SOX6: variants seen among roughly 807,000 people sequenced by gnomAD.
SOX6 encodes transcription factor SOX-6.
In SOX6, 11 loss-of-function variants were observed where a neutral mutation model predicts 97.8. The observed-to-expected ratio is 0.11, with a 90% CI of 0.07 to 0.19. The LOEUF (loss-of-function observed/expected upper bound fraction) is 0.19. SOX6 is among the 10% of genes least tolerant of loss of function. The pLI, the probability that SOX6 is intolerant of heterozygous loss-of-function variation, is 1.00. For synonymous variants in SOX6, 360 were observed against 371.4 expected, an observed-to-expected ratio of 0.97 and a Z score of 0.35; for missense variants, 810 against 1,039.5, an observed-to-expected ratio of 0.78 and a Z score of 3.04.
intron 15 of SOX6, among the ~76,000 whole-genome samples, chr11:15,983,822 A>G (rs989607118): frequency 1.3e-5 from 2 of 152,128 alleles, no homozygotes; most frequent in African/African-American, 2.4e-5. Flanking sequence ...ACTGTTCTAC[A>G]CTATTGAGAA....
intron 4 of SOX6, among the ~76,000 whole-genome samples, chr11:16,526,296 T>C (rs909259954): frequency 6.6e-6 from 1 of 152,104 alleles, no homozygotes; most frequent in East Asian, 1.9e-4. Flanking sequence ...TGGAATACTA[T>C]GCAGCCATAA....
intron 1 of SOX6, among the ~76,000 whole-genome samples, chr11:16,375,280 A>T (rs1313089138): frequency 1.3e-5 from 2 of 152,134 alleles, no homozygotes; most frequent in African/African-American, 2.4e-5. Context: ...TCTTCTCATC[A>T]CACCTAATCT....
intron 3 of SOX6, among the ~76,000 whole-genome samples, chr11:16,310,064 T>G (rs1024682468): frequency 3.3e-5 from 5 of 152,128 alleles, no homozygotes; most frequent in Non-Finnish European, 7.4e-5. Flanking sequence ...AGAAAGAATC[T>G]TCAAATGAAT....
Position 16,613,272 on chromosome 11 carries a change from AC to A in SOX6, n.430-1013del, listed in dbSNP as rs1848422357. The A allele has an allele frequency of 6.6e-6, 1 of 151,280 alleles. No homozygotes were observed. The highest frequency in any genetic ancestry group is 1.5e-5 in the Non-Finnish European group (1 of 67,940). The allele number at this position is 151,280 out of a possible 1,614,324, so 9.4% of individuals were successfully genotyped here. A position where few individuals can be genotyped will look rare whatever the true frequency, so the allele number is the denominator to read the frequency against. On this transcript the variant is annotated intron_variant and non_coding_transcript_variant, in intron 3 of 5. Coordinates refer to the SOX6 transcript ENST00000524520. This position sits in a 1 kb window ranked among gnomAD's most constrained non-coding sequence, Gnocchi z 4.6. ...TTCACTGTCTGTGTCTCTCTTCCCC[AC>A]CCCCAACTACCCCTGCCACTCAGAT... is the stretch of plus-strand genomic sequence containing the variant.
At chr11:16,556,401 A>AT (rs1212192803) in intron 4 of SOX6, among the ~76,000 whole-genome samples, 1 of 151,598 alleles carries the variant, frequency 6.6e-6, no homozygotes, top group African/African-American at 2.4e-5. Context: ...AAAACATCAC[A>AT]TTTTCCACAC....
chr11:16,586,449 A>G (rs1848094358), intron 4 of SOX6, among the ~76,000 whole-genome samples: 1 of 152,208 alleles, frequency 6.6e-6, no homozygotes, highest in Non-Finnish European at 1.5e-5. Flanking sequence ...GTGACCTTCA[A>G]GGACTTACTT....
At chr11:16,579,252 CTACT>C (rs1848009351) in intron 4 of SOX6, among the ~76,000 whole-genome samples, 3 of 151,810 alleles carry the variant, frequency 2.0e-5, no homozygotes, top group Admixed American at 2.0e-4. Flanking sequence ...TTTAAATGCT[CTACT>C]TATTTTATTA....
At chr11:16,500,752 G>A (rs971914752) in intron 4 of SOX6, among the ~76,000 whole-genome samples, 4 of 152,100 alleles carry the variant, frequency 2.6e-5, no homozygotes, top group African/African-American at 9.7e-5. Flanking sequence ...CAACTCACGA[G>A]GGATGTGAAG....
intron 4 of SOX6, among the ~76,000 whole-genome samples, chr11:16,528,618 T>C (rs1207290382): frequency 1.3e-5 from 2 of 151,916 alleles, no homozygotes; most frequent in Non-Finnish European, 2.9e-5. Context: ...CTAAGTGAAA[T>C]AGGGAAATGT....
chr11:16,547,941 T>C (rs1847640183), intron 4 of SOX6, among the ~76,000 whole-genome samples: 1 of 152,064 alleles, frequency 6.6e-6, no homozygotes, highest in Non-Finnish European at 1.5e-5. Context: ...TAAAAATAAT[T>C]ATGAAATAAA....
chr11:16,273,980 A>G (rs1036409581), intron 3 of SOX6, among the ~76,000 whole-genome samples: 5 of 152,268 alleles, frequency 3.3e-5, no homozygotes, highest in Non-Finnish European at 7.4e-5. Flanking sequence ...AAACCTAAAC[A>G]ATGCAAAAGT....
At chr11:16,176,287 A>T (rs1851184285) in intron 6 of SOX6, among the ~76,000 whole-genome samples, 1 of 151,948 alleles carries the variant, frequency 6.6e-6, no homozygotes, top group African/African-American at 2.4e-5. Flanking sequence ...TCCAAGACCA[A>T]TTAAATAAAA....
In SOX6 at chr11:15,969,680, A is replaced by G. The variant is rs1853248050; in HGVS notation, c.*3129T>C. The G allele has an allele frequency of 6.6e-6, 1 of 152,246 alleles. No individual in the cohort carries two copies. Among genetic ancestry groups the G allele is most frequent in the Non-Finnish European group, 1.5e-5 (1 of 68,048 alleles). 9.4% of individuals were successfully genotyped at this position (152,246 alleles called of 1,614,324 possible). A position where few individuals can be genotyped will look rare whatever the true frequency, so the allele number is the denominator to read the frequency against. On this transcript the variant is annotated 3_prime_UTR_variant, in exon 16 of 16. Coordinates refer to ENST00000683767, the MANE Select transcript of SOX6 (RefSeq NM_001367873.1). The stretch of plus-strand genomic sequence containing the variant: ...TATCTCACTAAGTATTCATGAACCA[A>G]AAATAAATTCTATTTCTATGTTATA...
At chr11:16,031,809 A>G (rs1855383415) in intron 12 of SOX6, among the ~76,000 whole-genome samples, 1 of 151,974 alleles carries the variant, frequency 6.6e-6, no homozygotes, top group Non-Finnish European at 1.5e-5. Flanking sequence ...GAGGTTAGGG[A>G]GGGAGAAAGG....
intron 3 of SOX6, chr11:16,317,965 C>T (rs755185054): frequency 3.3e-5 from 15 of 453,082 alleles, no homozygotes; most frequent in African/African-American, 3.0e-4. Flanking sequence ...CATATACTTT[C>T]AGTTTTAACA....
chr11:16,608,005 A>T (rs1051027305), intron 4 of SOX6, among the ~76,000 whole-genome samples: 1 of 152,104 alleles, frequency 6.6e-6, no homozygotes, highest in Non-Finnish European at 1.5e-5. Flanking sequence ...GCGCCTGGAA[A>T]GAGACGGTGA....
chr11:16,352,045 A>C (rs1263446692), intron 1 of SOX6, among the ~76,000 whole-genome samples: 2 of 152,042 alleles, frequency 1.3e-5, no homozygotes, highest in African/African-American at 4.8e-5. Context: ...GTTATCTTCA[A>C]CCAGAAAAAA....
intron 4 of SOX6, among the ~76,000 whole-genome samples, chr11:16,537,668 G>C (rs1481456820): frequency 6.6e-6 from 1 of 152,130 alleles, no homozygotes; most frequent in Non-Finnish European, 1.5e-5. Context: ...CATGAGAATT[G>C]TGTGATGGAT....
chr11:15,991,957 T>C (rs1481294233), intron 13 of SOX6, among the ~76,000 whole-genome samples: 1 of 152,194 alleles, frequency 6.6e-6, no homozygotes, highest in Non-Finnish European at 1.5e-5. Context: ...AGCTCAAGTC[T>C]GACCTCTACC....
Sources: allele counts gnomAD v4.1 joint callset (sites outside exome capture counted in the v4.1 genomes callset), GRCh38; gene constraint gnomAD v4.1.1; non-coding constraint Gnocchi (gnomAD v3.1); transcripts MANE v1.5; gene names NCBI Gene and HGNC (gene_info 2026-07-23, HGNC 2026-07-21).